Variants in ARMC2 observed in about 807,000 individuals in gnomAD.
ARMC2 encodes armadillo repeat-containing protein 2.
ARMC2 carries 67 observed loss-of-function variants against 90.3 expected under a neutral mutation model. The ratio of observed to expected loss-of-function variants is 0.74; its 90% CI spans 0.61 to 0.91. The LOEUF (loss-of-function observed/expected upper bound fraction) is 0.91, where lower values mean the gene tolerates loss of function less well. Among genes scored for constraint, ARMC2 ranks in the 40% least tolerant of loss-of-function variants. ARMC2 has a pLI of 0.00. For missense variants in ARMC2, 920 were observed against 1,030.9 expected, an observed-to-expected ratio of 0.89 and a Z score of 1.47; for synonymous variants, 393 against 393.0, an observed-to-expected ratio of 1.00 and a Z score of 0.00.
chr6:108,913,815 C>G (rs201212640), intron 10 of ARMC2, among the ~76,000 whole-genome samples: 1 of 152,182 alleles, frequency 6.6e-6, no homozygotes, highest in South Asian at 2.1e-4. Context: ...ATTTAGCTAA[C>G]ATTGTTCACA....
At chr6:109,047,377 C>A in the ARMC2 span, among the ~76,000 whole-genome samples, 1 of 136,076 alleles carries the variant, frequency 7.3e-6, no homozygotes, top group African/African-American at 2.7e-5. Flanking sequence ...CCAGCCGCCC[C>A]GTCCGGGAGG....
rs568938753 is a variant in ARMC2 at position 108,868,366 on chromosome 6, G to A, written c.292-458G>A. Among the ~76,000 whole-genome samples the A allele has an allele frequency of 9.0e-4, 137 of 152,084 alleles. 1 individual carries two copies. The highest frequency in any genetic ancestry group is 1.1e-3 in the Non-Finnish European group (73 of 67,972). On this transcript the variant is annotated intron_variant, in intron 3 of 17. Transcript: ENST00000392644. ...TGAGTAGCTGGGACTACAAGCATGC[G>A]CCACCATGCCCAGCCTATTTTTGTA... is the stretch of plus-strand genomic sequence containing the variant.
At chr6:108,938,161 TA>T (rs1456929248) in intron 12 of ARMC2, among the ~76,000 whole-genome samples, 1 of 152,244 alleles carries the variant, frequency 6.6e-6, no homozygotes, top group African/African-American at 2.4e-5. Context: ...CAACATCCTA[TA>T]GTAAGTTTTG....
chr6:108,952,584 G>C (rs1476532038), intron 12 of ARMC2, among the ~76,000 whole-genome samples: 1 of 134,196 alleles, frequency 7.5e-6, no homozygotes, highest in Non-Finnish European at 1.6e-5. Context: ...GAATTATCCA[G>C]TCCCAAGTGT....
intron 4 of ARMC2, among the ~76,000 whole-genome samples, chr6:108,875,462 C>G (rs769278566): frequency 1.3e-5 from 2 of 152,080 alleles, no homozygotes; most frequent in Non-Finnish European, 2.9e-5. Context: ...TTCAGCCTAC[C>G]TTAGAGCCTC....
At chr6:108,988,382 T>C in the ARMC2 span, 1 of 555,316 alleles carries the variant, frequency 1.8e-6, no homozygotes. Context: ...ATCAACATAA[T>C]CAGGTTCCCT....
intron 3 of ARMC2, among the ~76,000 whole-genome samples, chr6:108,865,229 C>T (rs1162095198): frequency 6.6e-6 from 1 of 151,836 alleles, no homozygotes; most frequent in Admixed American, 6.6e-5. Context: ...GTGATCCCCC[C>T]GCCTCAGCCT....
chr6:109,024,738 TTGTC>T, the ARMC2 span, among the ~76,000 whole-genome samples: 5 of 152,252 alleles, frequency 3.3e-5, no homozygotes, highest in East Asian at 3.9e-4. Context: ...AGAGTATTGG[TTGTC>T]TGTCTTTGTG....
the ARMC2 span, chr6:108,987,776 A>AGAT: frequency 4.3e-6 from 2 of 463,270 alleles, no homozygotes. Flanking sequence ...TTTGTTGAAC[A>AGAT]GATTATAAAT....
chr6:108,947,537 G>C (rs1298698660), intron 12 of ARMC2, among the ~76,000 whole-genome samples: 1 of 152,188 alleles, frequency 6.6e-6, no homozygotes, highest in Admixed American at 6.5e-5. Context: ...GACCATCCTG[G>C]TGAGCAGTGC....
At chr6:108,957,830 G>A (rs1484042009) in intron 13 of ARMC2, among the ~76,000 whole-genome samples, 1 of 152,154 alleles carries the variant, frequency 6.6e-6, no homozygotes, top group Non-Finnish European at 1.5e-5. Flanking sequence ...TCTCATATCC[G>A]TGAGTGAATT....
intron 17 of ARMC2, among the ~76,000 whole-genome samples, chr6:108,966,078 AGAG>A (rs1443398833): frequency 1.4e-5 from 2 of 146,988 alleles, no homozygotes; most frequent in Non-Finnish European, 3.0e-5. Context: ...TTTCCCAAAT[AGAG>A]GAGATGTACC....
Position 108,900,552 on chromosome 6 carries a change from G to A in ARMC2, c.847+760G>A, listed in dbSNP as rs561237932. ...TGTTGATGAGCAAACCAGCTTGGTA[G>A]CCACAGGAAGATGCTCTAAGAGAAG... On this transcript the variant is annotated intron_variant, in intron 7 of 17. Transcript: ENST00000392644. Among the ~76,000 whole-genome samples the A allele has an allele frequency of 3.9e-5, 6 of 152,286 alleles. No homozygotes were observed. In the South Asian group the frequency reaches 1.2e-3, roughly 32 times the overall value.
chr6:108,862,306 T>C (rs1686453709), intron 3 of ARMC2, among the ~76,000 whole-genome samples: 1 of 127,564 alleles, frequency 7.8e-6, no homozygotes, highest in African/African-American at 3.0e-5. Context: ...ATTGTGCCAC[T>C]GCACTCCAAC....
chr6:108,864,995 G>A (rs1582950821), intron 3 of ARMC2, among the ~76,000 whole-genome samples: 1 of 127,242 alleles, frequency 7.9e-6, no homozygotes, highest in East Asian at 2.4e-4. Context: ...ATTCTCAAGT[G>A]AATTTTTTTT....
At chr6:108,866,703 C>T (rs554821231) in intron 3 of ARMC2, among the ~76,000 whole-genome samples, 1 of 152,204 alleles carries the variant, frequency 6.6e-6, no homozygotes, top group Admixed American at 6.5e-5. Context: ...GGGTCCTTCT[C>T]CAGGTCTCCA....
chr6:109,001,390 A>T, the ARMC2 span: 8 of 1,613,920 alleles, frequency 5.0e-6, no homozygotes, highest in African/African-American at 5.3e-5. Flanking sequence ...GTGGGTGGAA[A>T]ACCATCACTA....
At chr6:108,917,379 C>T (rs991760173) in intron 10 of ARMC2, among the ~76,000 whole-genome samples, 2 of 152,058 alleles carry the variant, frequency 1.3e-5, no homozygotes, top group East Asian at 3.9e-4. Context: ...GGAAGTCTCT[C>T]GGGAAGGTCG....
At chr6:108,876,854 T>C (rs1776990136) in intron 5 of ARMC2, among the ~76,000 whole-genome samples, 1 of 152,228 alleles carries the variant, frequency 6.6e-6, no homozygotes, top group Non-Finnish European at 1.5e-5. Context: ...ATCCCTCCAT[T>C]GGCCCCTCAT....
Sources: allele counts gnomAD v4.1 joint callset (sites outside exome capture counted in the v4.1 genomes callset), GRCh38; gene constraint gnomAD v4.1.1; transcripts MANE v1.5; gene names NCBI Gene and HGNC (gene_info 2026-07-23, HGNC 2026-07-21).